DLG2: variants seen among roughly 807,000 people sequenced by gnomAD.
The protein encoded by DLG2 is discs large MAGUK scaffold protein 2, also known as disks large homolog 2.
In DLG2, 45 loss-of-function variants were observed where a neutral mutation model predicts 132.5. That is an observed-to-expected ratio of 0.34 (90% CI 0.27 to 0.44). DLG2 has a LOEUF of 0.44. DLG2 is among the 20% of genes least tolerant of loss of function. The pLI, the probability that DLG2 is intolerant of heterozygous loss-of-function variation, is 1.00. For missense variants in DLG2, 1,045 were observed against 1,196.9 expected (o/e 0.87, Z 1.87); for synonymous variants, 424 against 419.6 (o/e 1.01, Z -0.13).
At chr11:84,853,832 T>C (rs1338299956) in intron 6 of DLG2, among the ~76,000 whole-genome samples, 1 of 152,038 alleles carries the variant, frequency 6.6e-6, no homozygotes, top group Non-Finnish European at 1.5e-5. Context: ...AATTTGGTTA[T>C]CTGAGGATTT....
intron 7 of DLG2, among the ~76,000 whole-genome samples, chr11:84,388,276 T>C (rs747208683): frequency 6.6e-6 from 1 of 152,162 alleles, no homozygotes; most frequent in Non-Finnish European, 1.5e-5. Context: ...TATTGCGTGA[T>C]CTAAACTAAA....
chr11:85,271,420 G>T (rs2077520242), intron 4 of DLG2, among the ~76,000 whole-genome samples: 1 of 152,222 alleles, frequency 6.6e-6, no homozygotes, highest in Non-Finnish European at 1.5e-5. Flanking sequence ...ATGTGGGGTG[G>T]GTGCCCCCAC....
intron 18 of DLG2, among the ~76,000 whole-genome samples, chr11:83,666,274 C>A (rs1286615095): frequency 6.6e-6 from 1 of 152,118 alleles, no homozygotes; most frequent in Non-Finnish European, 1.5e-5. Context: ...GTTTCTTTAA[C>A]TCAGAGGTCC....
At chr11:85,141,633 C>T (rs930550361) in intron 5 of DLG2, among the ~76,000 whole-genome samples, 3 of 151,826 alleles carry the variant, frequency 2.0e-5, no homozygotes, top group African/African-American at 4.8e-5. Flanking sequence ...TTTGCCCAGA[C>T]CAATGTCCTA....
chr11:85,309,165 T>C (rs1166016142), intron 3 of DLG2, among the ~76,000 whole-genome samples: 6 of 152,084 alleles, frequency 3.9e-5, no homozygotes, highest in East Asian at 3.9e-4. Flanking sequence ...TAGAGACATG[T>C]ACCAGAGCCA....
At chr11:84,811,309 A>T (rs1277389533) in intron 6 of DLG2, among the ~76,000 whole-genome samples, 1 of 152,124 alleles carries the variant, frequency 6.6e-6, no homozygotes, top group Non-Finnish European at 1.5e-5. Flanking sequence ...AGTGAAAAAG[A>T]GGGGAGCAAG....
intron 3 of DLG2, among the ~76,000 whole-genome samples, chr11:85,506,311 G>T (rs1047654664): frequency 1.3e-5 from 2 of 149,682 alleles, no homozygotes; most frequent in East Asian, 2.0e-4. Context: ...TGGTGTTAGG[G>T]TTTCAATTTT....
chr11:84,496,308 T>C (rs922608740), intron 7 of DLG2, among the ~76,000 whole-genome samples: 5 of 152,122 alleles, frequency 3.3e-5, no homozygotes, highest in African/African-American at 1.2e-4. Flanking sequence ...TTCTGAGAAA[T>C]GTGTTATCAT....
intron 7 of DLG2, among the ~76,000 whole-genome samples, chr11:84,431,588 A>T (rs948827563): frequency 3.3e-5 from 5 of 152,136 alleles, no homozygotes; most frequent in African/African-American, 1.2e-4. Flanking sequence ...TCAGAATAGG[A>T]CACATAATAT....
intron 3 of DLG2, among the ~76,000 whole-genome samples, chr11:85,421,832 T>A (rs1302756659): frequency 2.0e-5 from 3 of 152,196 alleles, no homozygotes; most frequent in African/African-American, 7.2e-5. Flanking sequence ...TTCCAGGATT[T>A]GTTTCAAGAT....
chr11:84,008,698 A>G (rs1298672376), intron 11 of DLG2, among the ~76,000 whole-genome samples: 1 of 151,992 alleles, frequency 6.6e-6, no homozygotes, highest in Non-Finnish European at 1.5e-5. Context: ...GAATTCATAC[A>G]TATCAAAAAT....
chr11:83,525,045 G>A (rs7109050), intron 21 of DLG2, among the ~76,000 whole-genome samples: 45,739 of 152,078 alleles, frequency 0.3, 7,060 homozygotes, highest in East Asian at 0.38. Context: ...AAATACATAA[G>A]GAATGTAGTT....
intron 3 of DLG2, among the ~76,000 whole-genome samples, chr11:85,413,836 T>C (rs1024574826): frequency 8.5e-5 from 13 of 152,056 alleles, no homozygotes; most frequent in Admixed American, 8.5e-4. Flanking sequence ...GGTAATGTGA[T>C]GCTTCCAGGT....
intron 6 of DLG2, among the ~76,000 whole-genome samples, chr11:85,062,515 T>A (rs1474828069): frequency 6.6e-6 from 1 of 150,912 alleles, no homozygotes. Flanking sequence ...TTTATCTTTA[T>A]AAGATAGGTA....
chr11:84,545,599 T>C, intron 6 of DLG2: 1 of 364,670 alleles, frequency 2.7e-6, no homozygotes, highest in Non-Finnish European at 5.4e-6. Context: ...GTTGTGGCCA[T>C]TCACAATATG....
At chr11:83,480,640 A>G in intron 22 of DLG2, 1 of 1,554,676 alleles carries the variant, frequency 6.4e-7, no homozygotes. Context: ...TTAGCAAATG[A>G]AGAAAGTATC....
chr11:85,057,665 T>C (rs2063598509), intron 6 of DLG2, among the ~76,000 whole-genome samples: 1 of 151,582 alleles, frequency 6.6e-6, no homozygotes, highest in Non-Finnish European at 1.5e-5. Context: ...AAGGCCAGCG[T>C]ATTTTTGATT....
chr11:85,225,093 A>G (rs934649886), intron 4 of DLG2, among the ~76,000 whole-genome samples: 16 of 152,180 alleles, frequency 1.1e-4, no homozygotes, highest in African/African-American at 3.9e-4. Context: ...CTTTAAATTT[A>G]GTGGAAAATT....
intron 4 of DLG2, among the ~76,000 whole-genome samples, chr11:85,167,196 C>G (rs1472236656): frequency 6.6e-6 from 1 of 152,130 alleles, no homozygotes; most frequent in Admixed American, 6.6e-5. Context: ...AGCACTGCCC[C>G]TTCCCATCCT....
Sources: gnomAD v4.1 joint callset for allele counts (sites outside exome capture counted in the v4.1 genomes callset) on GRCh38, gnomAD v4.1.1 for gene constraint, MANE v1.5 for transcripts, NCBI Gene and HGNC (gene_info 2026-07-23, HGNC 2026-07-21) for gene names.